GPC6: variants seen among roughly 807,000 people sequenced by gnomAD.
GPC6 encodes the protein glypican-6.
A neutral mutation model predicts 55.2 loss-of-function variants in GPC6; 14 were observed. The observed-to-expected ratio is 0.25, with a 90% CI of 0.17 to 0.40. The LOEUF is 0.40. Ranked by LOEUF, GPC6 falls within the 10% of genes least tolerant of loss-of-function variation. The pLI is 1.00. For missense variants in GPC6, 641 were observed against 708.5 expected, an observed-to-expected ratio of 0.90 and a Z score of 1.08; for synonymous variants, 278 against 259.6, an observed-to-expected ratio of 1.07 and a Z score of -0.68.
chr13:94,400,613 A>G (rs1881083714), intron 8 of GPC6, among the ~76,000 whole-genome samples: 1 of 152,232 alleles, frequency 6.6e-6, no homozygotes, highest in East Asian at 1.9e-4. Context: ...AACTGTGCTC[A>G]TTCTCTAATT....
Position 93,227,762 on chromosome 13 carries a change from G to A in GPC6, c.160+146G>A. 1.5e-6 allele frequency: 1 copy of A among 654,474 alleles called. No homozygotes were observed. Among genetic ancestry groups the A allele is most frequent in the Non-Finnish European group, 2.6e-6 (1 of 387,148 alleles). 40.5% of individuals were successfully genotyped at this position (654,474 alleles called of 1,614,324 possible). ...TATGGGACTCCGCGTCTCCGTGTTG[G>A]GCGGCGGATGCTCCTGCGGCTTCTT... On this transcript the variant is annotated intron_variant, in intron 1 of 8. Transcript: ENST00000377047. The surrounding 1 kb of genome is among the most constrained non-coding windows in gnomAD (Gnocchi z 4.3).
At chr13:93,247,042 T>G (rs919136823) in intron 1 of GPC6, among the ~76,000 whole-genome samples, 1 of 151,554 alleles carries the variant, frequency 6.6e-6, no homozygotes, top group African/African-American at 2.4e-5. Flanking sequence ...ACAAAAATTT[T>G]AAGTATAATG....
At chr13:93,932,698 G>C (rs1230301050) in intron 3 of GPC6, among the ~76,000 whole-genome samples, 1 of 151,994 alleles carries the variant, frequency 6.6e-6, no homozygotes, top group African/African-American at 2.4e-5. Context: ...ACCCTTCCTG[G>C]CTCTGGGACC....
intron 3 of GPC6, among the ~76,000 whole-genome samples, chr13:93,985,754 C>T (rs980741263): frequency 6.6e-6 from 1 of 150,680 alleles, no homozygotes; most frequent in Non-Finnish European, 1.5e-5. Context: ...ATGCACTTCC[C>T]AGAAACTGCA....
chr13:94,078,669 C>G (rs1452344415), intron 4 of GPC6, among the ~76,000 whole-genome samples: 3 of 151,840 alleles, frequency 2.0e-5, no homozygotes, highest in Non-Finnish European at 4.4e-5. Flanking sequence ...TTTCTGGATA[C>G]ATACAACCTA....
intron 3 of GPC6, among the ~76,000 whole-genome samples, chr13:93,939,197 C>T (rs1233426910): frequency 6.6e-6 from 1 of 151,276 alleles, no homozygotes; most frequent in Non-Finnish European, 1.5e-5. Flanking sequence ...ACATTAGATT[C>T]TATATGTATT....
rs370640143 is a variant in GPC6, at chr13:93,553,826, T to C, written c.319+8405T>C. Among the ~76,000 whole-genome samples the C allele has an allele frequency of 7.3e-5, 11 of 150,266 alleles. 1 individual carries two copies. In the East Asian group the frequency reaches 1.6e-3, roughly 22 times the overall value. ...GTGTATAGTTTCTGAATTTCCATAA[T>C]AAAGAGATTAAAAGAGAGAGAGAAA... is the stretch of plus-strand genomic sequence containing the variant. On this transcript the variant is annotated intron_variant, in intron 2 of 8. Transcript: ENST00000377047.
chr13:93,271,474 C>T (rs1464121111), intron 1 of GPC6, among the ~76,000 whole-genome samples: 1 of 151,818 alleles, frequency 6.6e-6, no homozygotes, highest in South Asian at 2.1e-4. Context: ...TAGATAAACC[C>T]TAAGACAGTT....
chr13:93,971,398 T>C (rs1184112851), intron 3 of GPC6, among the ~76,000 whole-genome samples: 1 of 152,190 alleles, frequency 6.6e-6, no homozygotes, highest in Admixed American at 6.5e-5. Flanking sequence ...TGAAAAACCA[T>C]AGTCTAAGCT....
At chr13:93,557,704 G>A (rs1000584219) in intron 2 of GPC6, among the ~76,000 whole-genome samples, 1 of 152,104 alleles carries the variant, frequency 6.6e-6, no homozygotes, top group African/African-American at 2.4e-5. Flanking sequence ...AAAACCTTCT[G>A]TTAGTTCCAC....
Position 93,781,688 on chromosome 13 carries a change from G to A in GPC6, c.320-48466G>A, listed in dbSNP as rs541414264. On this transcript the variant is annotated intron_variant, in intron 2 of 8. Transcript: ENST00000377047. ...TCTGAAAATGTCTGAGACTGTCTGA[G>A]CCATGATATTAGATGTAGCACACAA... Among the ~76,000 whole-genome samples the A allele has an allele frequency of 2.0e-5, 3 of 152,194 alleles. No individual in the cohort carries two copies. In the South Asian group the frequency reaches 6.2e-4, roughly 32 times the overall value.
chr13:93,941,542 A>G (rs1228597322), intron 3 of GPC6, among the ~76,000 whole-genome samples: 3 of 152,222 alleles, frequency 2.0e-5, no homozygotes, highest in Admixed American at 2.0e-4. Context: ...TTGGCACTCT[A>G]GTCAGTAGAT....
chr13:93,591,502 C>T (rs1233161971), intron 2 of GPC6, among the ~76,000 whole-genome samples: 6 of 150,578 alleles, frequency 4.0e-5, no homozygotes, highest in African/African-American at 1.5e-4. Flanking sequence ...CATCTTGTTT[C>T]GTATCAATAT....
Position 94,312,214 on chromosome 13 carries a change from A to C in GPC6, c.1152+6091A>C, listed in dbSNP as rs184301308. On this transcript the variant is annotated intron_variant, in intron 6 of 8. Coordinates refer to ENST00000377047, the MANE Select transcript of GPC6 (RefSeq NM_005708.5). ...CTGTTTTGTATATGAATCTTCCAAA[A>C]ATACACTGTAACTTTTGAAATTCAT... Among the ~76,000 whole-genome samples the C allele has an allele frequency of 5.3e-4, 80 of 152,370 alleles. 1 individual carries two copies. The East Asian group carries it at 0.015, about 28-fold the overall frequency.
At chr13:93,749,304 A>G (rs1884500815) in intron 2 of GPC6, among the ~76,000 whole-genome samples, 1 of 152,082 alleles carries the variant, frequency 6.6e-6, no homozygotes, top group African/African-American at 2.4e-5. Context: ...TATTTTAACC[A>G]TATTATAATT....
intron 4 of GPC6, among the ~76,000 whole-genome samples, chr13:94,136,670 AC>A (rs1887197743): frequency 6.6e-6 from 1 of 152,196 alleles, no homozygotes; most frequent in South Asian, 2.1e-4. Flanking sequence ...AGATCTTGCC[AC>A]TGCACTCCAG....
intron 1 of GPC6, among the ~76,000 whole-genome samples, chr13:93,237,057 G>A (rs1163936455): frequency 6.6e-6 from 1 of 152,128 alleles, no homozygotes; most frequent in African/African-American, 2.4e-5. Flanking sequence ...TTGATAAAAT[G>A]ACTTCTCTTC....
intron 3 of GPC6, among the ~76,000 whole-genome samples, chr13:93,864,218 A>G (rs1444565036): frequency 6.6e-6 from 1 of 151,738 alleles, no homozygotes; most frequent in African/African-American, 2.4e-5. Context: ...GTAGTCATGT[A>G]CTAGTTAAGT....
intron 2 of GPC6, among the ~76,000 whole-genome samples, chr13:93,729,716 A>G (rs1341485547): frequency 6.6e-6 from 1 of 152,176 alleles, no homozygotes; most frequent in African/African-American, 2.4e-5. Flanking sequence ...CTAGTTCTAG[A>G]TATATACTCA....
Sources: gnomAD v4.1 joint callset for allele counts (sites outside exome capture counted in the v4.1 genomes callset) on GRCh38, gnomAD v4.1.1 for gene constraint, Gnocchi (gnomAD v3.1) non-coding constraint, MANE v1.5 for transcripts, NCBI Gene and HGNC (gene_info 2026-07-23, HGNC 2026-07-21) for gene names.